The following C1orf21 variants were observed in gnomAD, a reference collection of about 807,000 sequenced individuals.
C1orf21 encodes chromosome 1 open reading frame 21, also known as uncharacterized protein C1orf21.
Under a neutral mutation model 18.7 loss-of-function variants are expected in C1orf21, and 3 were observed. The ratio of observed to expected loss-of-function variants is 0.16; its 90% confidence interval spans 0.07 to 0.42. The LOEUF is 0.42. C1orf21 is among the 10% of genes least tolerant of loss of function. C1orf21 has a pLI of 0.99. For missense variants in C1orf21, 104 were observed against 143.6 expected, an observed-to-expected ratio of 0.72 and a Z score of 1.41; for synonymous variants, 41 against 46.4, an observed-to-expected ratio of 0.88 and a Z score of 0.47.
intron 2 of C1orf21, among the ~76,000 whole-genome samples, chr1:184,499,743 CACTACCCTGTG>C (rs1473831007): frequency 6.6e-6 from 1 of 151,844 alleles, no homozygotes; most frequent in Non-Finnish European, 1.5e-5. Context: ...TTGAGCCCAG[CACTACCCTGTG>C]ACTAACCAAC....
At chr1:184,408,285 T>TA (rs1234231199) in intron 1 of C1orf21, 1 of 152,248 alleles carries the variant, frequency 6.6e-6, no homozygotes, top group East Asian at 1.9e-4. Context: ...AATGTTGTGT[T>TA]AATATTGTTA....
chr1:184,558,780 A>G (rs919015388), intron 3 of C1orf21, among the ~76,000 whole-genome samples: 2 of 152,242 alleles, frequency 1.3e-5, no homozygotes, highest in African/African-American at 4.8e-5. Context: ...AGTAATACTA[A>G]TAGTGTTTCC....
At chr1:184,410,399 C>T (rs1246383458) in intron 1 of C1orf21, among the ~76,000 whole-genome samples, 2 of 150,688 alleles carry the variant, frequency 1.3e-5, no homozygotes, top group Non-Finnish European at 2.9e-5. Context: ...GATTCAGTCT[C>T]GATTTAGTGT....
chr1:184,409,242 C>T (rs1480064068), intron 1 of C1orf21, among the ~76,000 whole-genome samples: 3 of 152,176 alleles, frequency 2.0e-5, no homozygotes, highest in Non-Finnish European at 4.4e-5. Flanking sequence ...CCCAGAAAAT[C>T]TGCTGTTTGT....
At chr1:184,580,172 T>C (rs1485849594) in intron 3 of C1orf21, among the ~76,000 whole-genome samples, 1 of 152,146 alleles carries the variant, frequency 6.6e-6, no homozygotes, top group African/African-American at 2.4e-5. Context: ...CTGGTTCACT[T>C]TTGCTTTATG....
At chr1:184,405,660 G>C (rs1233509119) in intron 1 of C1orf21, among the ~76,000 whole-genome samples, 4 of 152,210 alleles carry the variant, frequency 2.6e-5, no homozygotes, top group African/African-American at 9.6e-5. Flanking sequence ...AGGGAACCTA[G>C]TTTACTCAGT....
At chr1:184,482,844 A>G (rs1557983590) in intron 2 of C1orf21, among the ~76,000 whole-genome samples, 1 of 152,050 alleles carries the variant, frequency 6.6e-6, no homozygotes, top group Non-Finnish European at 1.5e-5. Flanking sequence ...GGTAATTTCC[A>G]TTTTTTTGAA....
At chr1:184,613,119 T>A (rs993480545) in intron 5 of C1orf21, among the ~76,000 whole-genome samples, 2 of 152,152 alleles carry the variant, frequency 1.3e-5, no homozygotes, top group Middle Eastern at 3.2e-3. Context: ...CCAGCTAATT[T>A]TTGTATTTTT....
chr1:184,469,438 A>G (rs933254523), intron 1 of C1orf21, among the ~76,000 whole-genome samples: 1 of 152,194 alleles, frequency 6.6e-6, no homozygotes, highest in Non-Finnish European at 1.5e-5. Context: ...AATGTGGAAT[A>G]TATTGGATTT....
intron 3 of C1orf21, among the ~76,000 whole-genome samples, chr1:184,516,642 C>T (rs1034407586): frequency 3.3e-5 from 5 of 152,262 alleles, no homozygotes; most frequent in African/African-American, 7.2e-5. Context: ...ATGAGGAAGA[C>T]GCAAAAGCAG....
At chr1:184,466,258 T>G (rs1557979232) in intron 1 of C1orf21, among the ~76,000 whole-genome samples, 1 of 152,212 alleles carries the variant, frequency 6.6e-6, no homozygotes, top group Non-Finnish European at 1.5e-5. Context: ...CTTTTATGTT[T>G]TGTTATCTCA....
chr1:184,453,684 A>C (rs1408974699), intron 1 of C1orf21, among the ~76,000 whole-genome samples: 2 of 151,960 alleles, frequency 1.3e-5, no homozygotes, highest in African/African-American at 4.8e-5. Flanking sequence ...TTATTTGTTT[A>C]TAGCTGCTGT....
In C1orf21 at chr1:184,410,646, TATATATATATA is replaced by T. The variant is rs1656328836; in HGVS notation, c.-125+23279_-125+23289del. 1.5e-3 allele frequency among the ~76,000 whole-genome samples: 9 copies of T among 5,826 alleles called. 1 individual carries two copies. The highest frequency in any genetic ancestry group is 2.6e-3 in the Admixed American group (1 of 380). 3.8% of individuals were successfully genotyped at this position (5,826 alleles called of 152,430 possible). A position where few individuals can be genotyped will look rare whatever the true frequency, so the allele number is the denominator to read the frequency against. ...ATATATATATATATATATATATATA[TATATATATATA>T]TATATATTTTTTTTTTTTTTTTTTG... On this transcript the variant is annotated intron_variant, in intron 1 of 5. Transcript: ENST00000235307.
intron 1 of C1orf21, among the ~76,000 whole-genome samples, chr1:184,389,748 A>G (rs1440284246): frequency 6.6e-6 from 1 of 152,096 alleles, no homozygotes; most frequent in East Asian, 1.9e-4. Context: ...CCCCTTCTAT[A>G]AGACGTTTTT....
chr1:184,583,434 T>C (rs1240938954), intron 3 of C1orf21, among the ~76,000 whole-genome samples: 1 of 152,200 alleles, frequency 6.6e-6, no homozygotes, highest in Admixed American at 6.5e-5. Flanking sequence ...GAAATGGATG[T>C]TTTTCCCAAC....
intron 1 of C1orf21, among the ~76,000 whole-genome samples, chr1:184,469,245 GT>G (rs1159485740): frequency 3.9e-5 from 6 of 152,224 alleles, no homozygotes; most frequent in African/African-American, 1.4e-4. Context: ...GTGAGACTCT[GT>G]AATAAAAACA....
intron 2 of C1orf21, among the ~76,000 whole-genome samples, chr1:184,488,616 A>G (rs1657767795): frequency 6.6e-6 from 1 of 152,218 alleles, no homozygotes; most frequent in Non-Finnish European, 1.5e-5. Context: ...AAATCCCCCA[A>G]TTTATCTCTT....
chr1:184,607,819 G>C (rs1659671498), intron 5 of C1orf21, among the ~76,000 whole-genome samples: 1 of 151,600 alleles, frequency 6.6e-6, no homozygotes, highest in South Asian at 2.1e-4. Flanking sequence ...GTGAAGAGAG[G>C]ATTATGCAGA....
At chr1:184,596,568 A>G (rs1659516476) in intron 4 of C1orf21, among the ~76,000 whole-genome samples, 1 of 152,170 alleles carries the variant, frequency 6.6e-6, no homozygotes. Context: ...CCAGTTACCT[A>G]TATTAAGAGA....
Sources: allele counts gnomAD v4.1 joint callset (sites outside exome capture counted in the v4.1 genomes callset), GRCh38; gene constraint gnomAD v4.1.1; transcripts MANE v1.5; gene names NCBI Gene and HGNC (gene_info 2026-07-23, HGNC 2026-07-21).